The following ACMSD variants were observed in gnomAD, a reference collection of about 807,000 sequenced individuals.
ACMSD encodes 2-amino-3-carboxymuconate-6-semialdehyde decarboxylase.
In ACMSD, 37 loss-of-function variants were observed where a neutral mutation model predicts 45.9. The ratio of observed to expected loss-of-function variants is 0.81; its 90% confidence interval spans 0.62 to 1.06. The LOEUF is 1.06. ACMSD is among the 50% of genes least tolerant of loss of function. The pLI, the probability that ACMSD is intolerant of heterozygous loss-of-function variation, is 0.00. For synonymous variants in ACMSD, 138 were observed against 148.8 expected, an observed-to-expected ratio of 0.93 and a Z score of 0.53; for missense variants, 434 against 420.9, an observed-to-expected ratio of 1.03 and a Z score of -0.27.
chr2:134,862,978 C>T, intron 4 of ACMSD: 3 of 985,436 alleles, frequency 3.0e-6, no homozygotes, highest in Non-Finnish European at 3.6e-6. Context: ...GCCAGCCTGG[C>T]GGCCCTCAAT....
chr2:134,858,699 T>A (rs1440363563), intron 2 of ACMSD, among the ~76,000 whole-genome samples: 5 of 152,094 alleles, frequency 3.3e-5, no homozygotes, highest in Non-Finnish European at 7.4e-5. Context: ...GCATGATGCC[T>A]GGTGGAAGAA....
chr2:134,845,941 T>C (rs1687034537), intron 2 of ACMSD, among the ~76,000 whole-genome samples: 1 of 152,158 alleles, frequency 6.6e-6, no homozygotes, highest in African/African-American at 2.4e-5. Context: ...ACATGACTAA[T>C]GCAGGCTCTG....
At chr2:134,860,907 G>A (rs1395639615) in intron 3 of ACMSD, among the ~76,000 whole-genome samples, 1 of 148,200 alleles carries the variant, frequency 6.7e-6, no homozygotes, top group African/African-American at 2.5e-5. Flanking sequence ...GCATGCACCT[G>A]TGATCCCAGC....
rs1216200576 is a variant in ACMSD at position 134,901,973 on chromosome 2, T to C, written c.*113T>C. 1 of 606,562 alleles carries C rather than the reference T, an allele frequency of 1.6e-6. No individual in the cohort carries two copies. Among genetic ancestry groups the C allele is most frequent in the Non-Finnish European group, 2.7e-6 (1 of 365,290 alleles). 37.6% of individuals were successfully genotyped at this position (606,562 alleles called of 1,614,324 possible). A position where few individuals can be genotyped will look rare whatever the true frequency, so the allele number is the denominator to read the frequency against. ...TTGAACTATTTTACTCAGAAATGAA[T>C]GTCCCAAATATCCTAAATTATTCAT... On this transcript the variant is annotated 3_prime_UTR_variant, in exon 10 of 10. Transcript: ENST00000356140.
intron 8 of ACMSD, among the ~76,000 whole-genome samples, chr2:134,885,265 A>T (rs191393115): frequency 1.1e-5 from 1 of 90,456 alleles, no homozygotes; most frequent in Non-Finnish European, 1.9e-5. Flanking sequence ...TAATATATAT[A>T]TAAATATATA....
chr2:134,849,298 T>C (rs1475490345), intron 2 of ACMSD, among the ~76,000 whole-genome samples: 2 of 152,030 alleles, frequency 1.3e-5, no homozygotes, highest in African/African-American at 4.8e-5. Context: ...TCTGATACAA[T>C]GGTAATCAAA....
At position 134,867,609 on chromosome 2, in the gene ACMSD, G is replaced by A. The variant is rs144757487; in HGVS notation, c.517G>A (p.Val173Met). 62 of 1,613,752 alleles carry A rather than the reference G, an allele frequency of 3.8e-5. No individual in the cohort carries two copies. The highest frequency in any genetic ancestry group is 1.6e-4 in the Middle Eastern group (1 of 6,084). ...CGAAAGGCTGAAGTGTTCCCTGTTC[G>A]TGCATCCCTGGGACATGCAGATGGA... ...AAERLKCSLF[V>M]HPWDMQMDGR... is the part of the protein sequence containing the mutation. Residue 173 changes from valine (V) to methionine (M), a missense_variant, in exon 6 of 10, where the codon GTG becomes ATG. Val to Met is a conservative substitution (Grantham distance 21, BLOSUM62 1). Transcript: ENST00000356140.
chr2:134,870,179 C>T (rs550115468), intron 6 of ACMSD, among the ~76,000 whole-genome samples: 2 of 152,324 alleles, frequency 1.3e-5, no homozygotes, highest in East Asian at 1.9e-4. Flanking sequence ...GTCTGAAAAG[C>T]AGTCAATGGC....
chr2:134,879,332 T>C (rs901355809), intron 8 of ACMSD, among the ~76,000 whole-genome samples: 2 of 152,218 alleles, frequency 1.3e-5, no homozygotes, highest in Admixed American at 1.3e-4. Context: ...TCACAGGCCA[T>C]TGGGCTTCTA....
intron 8 of ACMSD, among the ~76,000 whole-genome samples, chr2:134,888,551 C>A (rs1213692342): frequency 6.6e-6 from 1 of 151,956 alleles, no homozygotes; most frequent in Non-Finnish European, 1.5e-5. Flanking sequence ...TTCCAAATAG[C>A]CAAAAACTGG....
intron 8 of ACMSD, among the ~76,000 whole-genome samples, chr2:134,897,379 C>T (rs1279641466): frequency 1.3e-5 from 2 of 152,096 alleles, no homozygotes; most frequent in African/African-American, 4.8e-5. Flanking sequence ...TTCTTCTTTA[C>T]ACTGTAACTT....
intron 9 of ACMSD, among the ~76,000 whole-genome samples, chr2:134,900,892 A>C (rs538598446): frequency 1.3e-5 from 2 of 152,312 alleles, no homozygotes; most frequent in African/African-American, 4.8e-5. Flanking sequence ...CAACACTCTG[A>C]AGGGTACCTC....
chr2:134,890,251 A>G (rs953555559), intron 8 of ACMSD, among the ~76,000 whole-genome samples: 1 of 152,140 alleles, frequency 6.6e-6, no homozygotes, highest in African/African-American at 2.4e-5. Context: ...AATGCACTGA[A>G]TAAGACTCAA....
Position 134,892,462 on chromosome 2 carries a change from AAAATAAATAAAT to A in ACMSD, c.850-5850_850-5839del, listed in dbSNP as rs4055120. Reference sequence around the variant, plus strand: ...GTCTTAGGTTTCTATTGCTGTGGAAAAAATAAATAAATAAATAAATAAATAAATAAATAAATA... The same window carrying A: ...GTCTTAGGTTTCTATTGCTGTGGAAAAAATAAATAAATAAATAAATAAATA... On this transcript the variant is annotated intron_variant, in intron 8 of 9. Transcript: ENST00000356140. 8.1e-3 allele frequency among the ~76,000 whole-genome samples: 1,204 copies of A among 148,450 alleles called. 16 individuals are homozygous for A. Among genetic ancestry groups the A allele is most frequent in the African/African-American group, 0.028 (1,133 of 40,178 alleles).
intron 8 of ACMSD, among the ~76,000 whole-genome samples, chr2:134,885,331 AAATATATATTTATATAT>A (rs1321352797): frequency 9.2e-6 from 1 of 108,816 alleles, no homozygotes; most frequent in African/African-American, 3.9e-5. Flanking sequence ...ATATATATGT[AAATATATATTTATATAT>A]AATATATATT....
At chr2:134,855,293 G>A (rs1687529257) in intron 2 of ACMSD, among the ~76,000 whole-genome samples, 1 of 152,214 alleles carries the variant, frequency 6.6e-6, no homozygotes, top group Non-Finnish European at 1.5e-5. Flanking sequence ...TGAAGCCACA[G>A]CCAAGGCAAC....
intron 8 of ACMSD, among the ~76,000 whole-genome samples, chr2:134,879,828 CT>C: frequency 6.6e-6 from 1 of 152,346 alleles, no homozygotes. Context: ...CAGGAGCCTT[CT>C]GATGCTCTAA....
intron 3 of ACMSD, among the ~76,000 whole-genome samples, chr2:134,861,606 CT>C (rs1687852205): frequency 6.6e-6 from 1 of 152,088 alleles, no homozygotes; most frequent in African/African-American, 2.4e-5. Context: ...CACTTAGGAG[CT>C]GAATTAAAGG....
chr2:134,879,212 GTAGTTGACAGCATTGC>G (rs1244171280), intron 8 of ACMSD, among the ~76,000 whole-genome samples: 2 of 152,170 alleles, frequency 1.3e-5, no homozygotes, highest in Non-Finnish European at 2.9e-5. Context: ...GACCCCTGTT[GTAGTTGACAGCATTGC>G]TAAATTTTTG....
Sources: gnomAD v4.1 joint callset for allele counts (sites outside exome capture counted in the v4.1 genomes callset) on GRCh38, gnomAD v4.1.1 for gene constraint, MANE v1.5 for transcripts, NCBI Gene and HGNC (gene_info 2026-07-23, HGNC 2026-07-21) for gene names.